Variants in ACKR2 observed in about 807,000 individuals in gnomAD.
The protein encoded by ACKR2 is C-C chemokine receptor D6.
For missense variants in ACKR2, 457 were observed against 477.3 expected, an observed-to-expected ratio of 0.96 and a Z score of 0.40; for synonymous variants, 207 against 192.2, an observed-to-expected ratio of 1.08 and a Z score of -0.64.
intron 2 of ACKR2, among the ~76,000 whole-genome samples, 168 bp downstream of exon 2, chr3:42,819,879 T>C (rs1490754410): frequency 6.6e-6 from 1 of 152,226 alleles, no homozygotes; most frequent in African/African-American, 2.4e-5. Flanking sequence ...CCTTGAATAT[T>C]GACTGCCTCT....
rs553977813 is a variant in ACKR2 at position 42,857,988 on chromosome 3, G to T, written c.-37-6478G>T. Reference sequence around the variant, plus strand: ...GCCTCTCTAGATTCCTCCTCTCCGGGCAGGGCATCTCTGAAAGAAAGGCAG... The same window carrying T: ...GCCTCTCTAGATTCCTCCTCTCCGGTCAGGGCATCTCTGAAAGAAAGGCAG... On this transcript the variant is annotated intron_variant, in intron 2 of 2. Coordinates refer to ENST00000422265, the MANE Select transcript of ACKR2 (RefSeq NM_001296.5). 5.9e-5 allele frequency among the ~76,000 whole-genome samples: 9 copies of T among 152,368 alleles called. No homozygotes were observed. The East Asian group carries it at 1.7e-3, about 29-fold the overall frequency.
chr3:42,812,680 C>CTTTTTTTTTTT lies in ACKR2; in HGVS notation c.-119+3162_-119+3172dup, dbSNP rs71616070. 4.0e-3 allele frequency among the ~76,000 whole-genome samples: 290 copies of CTTTTTTTTTTT among 72,740 alleles called. 15 individuals are homozygous for CTTTTTTTTTTT. Among genetic ancestry groups the CTTTTTTTTTTT allele is most frequent in the East Asian group, 5.4e-3 (11 of 2,034 alleles). 47.7% of individuals were successfully genotyped at this position (72,740 alleles called of 152,430 possible). The stretch of plus-strand genomic sequence containing the variant: ...TAAAAGTGGTTGGGCAATTTTCAGC[C>CTTTTTTTTTTT]TTTTTTTTTTTTTTTTTTTTTTTTG... On this transcript the variant is annotated intron_variant, in intron 1 of 2. Coordinates refer to ENST00000422265, the MANE Select transcript of ACKR2 (RefSeq NM_001296.5).
chr3:42,864,912 G>T lies in ACKR2; in HGVS notation c.410G>T (p.Cys137Phe), dbSNP rs1180805506. 2 of 1,613,994 alleles carry T rather than the reference G, an allele frequency of 1.2e-6. No individual in the cohort carries two copies. Among genetic ancestry groups the T allele is most frequent in the African/African-American group, 1.3e-5 (1 of 74,884 alleles). Residue 137 changes from cysteine to phenylalanine, a missense_variant, in exon 3 of 3, where the codon TGC (cysteine) becomes TTC (phenylalanine). Physicochemically the swap from Cys to Phe is radical, Grantham distance 205. Coordinates refer to ENST00000422265, the MANE Select transcript of ACKR2 (RefSeq NM_001296.5). The stretch of plus-strand genomic sequence containing the variant: ...TACAGTGGCATCTTTTTCATTAGCT[G>T]CATGAGCCTGGACAAGTACCTGGAG... ...NFYSGIFFIS[C>F]MSLDKYLEIV...
In ACKR2 at chr3:42,834,099, C is replaced by T. The variant is rs139001455; in HGVS notation, c.-38+14388C>T. On this transcript the variant is annotated intron_variant, in intron 2 of 2. Transcript: ENST00000422265. Reference sequence around the variant, plus strand: ...TCAGCCTCCCGAGTAGCTGGGATTACAGGCATGCGCCTCCACGCCCGGCTA... The same window carrying T: ...TCAGCCTCCCGAGTAGCTGGGATTATAGGCATGCGCCTCCACGCCCGGCTA... Among the ~76,000 whole-genome samples, 710 of 152,294 alleles carry T rather than the reference C, an allele frequency of 4.7e-3. 4 individuals carry two copies. The highest frequency in any genetic ancestry group is 0.016 in the African/African-American group (650 of 41,560).
At position 42,838,546 on chromosome 3, in the gene ACKR2, C is replaced by T. The variant is rs538655347; in HGVS notation, c.-38+18835C>T. On this transcript the variant is annotated intron_variant, in intron 2 of 2. Transcript: ENST00000422265. The stretch of plus-strand genomic sequence containing the variant: ...GCTAAAAGTAAAAAGACTGACCATA[C>T]CAAGAACTTAGGAGAATGTGAAACA... Among the ~76,000 whole-genome samples, 123 of 150,198 alleles carry T rather than the reference C, an allele frequency of 8.2e-4. 2 individuals carry two copies. Among genetic ancestry groups the T allele is most frequent in the African/African-American group, 2.9e-3 (120 of 40,834 alleles).
chr3:42,843,594 C>G (rs892772244), intron 2 of ACKR2, among the ~76,000 whole-genome samples: 2 of 152,170 alleles, frequency 1.3e-5, no homozygotes, highest in African/African-American at 4.8e-5. Flanking sequence ...CCCCTGCTGT[C>G]TAGCAGGGTG....
At chr3:42,819,245 T>A (rs981049970) in intron 1 of ACKR2, among the ~76,000 whole-genome samples, 28 of 152,218 alleles carry the variant, frequency 1.8e-4, no homozygotes, top group Admixed American at 1.5e-3. Flanking sequence ...TCCTGATTTT[T>A]AAAGTTAGAA....
At chr3:42,839,230 C>T (rs1701013384) in intron 2 of ACKR2, 1 of 151,966 alleles carries the variant, frequency 6.6e-6, no homozygotes. Flanking sequence ...GCCACGTGCC[C>T]CTTCTTTTGC....
intron 2 of ACKR2, among the ~76,000 whole-genome samples, chr3:42,828,186 T>G (rs558312631): frequency 3.8e-4 from 58 of 151,364 alleles, no homozygotes; most frequent in Admixed American, 7.9e-4. Flanking sequence ...CTCTGCTCAC[T>G]GCAATCTCTG....
At chr3:42,860,184 A>AAAAAAAAAAC (rs2088369128) in intron 2 of ACKR2, among the ~76,000 whole-genome samples, 1 of 144,828 alleles carries the variant, frequency 6.9e-6, no homozygotes, top group Non-Finnish European at 1.5e-5. Context: ...AAAAAAAAAA[A>AAAAAAAAAAC]AAAAAGCAGG....
chr3:42,839,954 G>A (rs1273983023), intron 2 of ACKR2, among the ~76,000 whole-genome samples: 1 of 152,112 alleles, frequency 6.6e-6, no homozygotes, highest in East Asian at 1.9e-4. Flanking sequence ...TGCAGATCCT[G>A]GGCTCAGAAA....
chr3:42,863,633 G>C (rs567607755), intron 2 of ACKR2, among the ~76,000 whole-genome samples: 1 of 152,320 alleles, frequency 6.6e-6, no homozygotes, highest in Admixed American at 6.5e-5. Context: ...ATGATAGACT[G>C]GATAAAGAAA....
chr3:42,840,533 A>G (rs1388179348), intron 2 of ACKR2, among the ~76,000 whole-genome samples: 1 of 152,216 alleles, frequency 6.6e-6, no homozygotes, highest in Non-Finnish European at 1.5e-5. Flanking sequence ...CTCATAAGGT[A>G]GGTAGTAATG....
intron 2 of ACKR2, among the ~76,000 whole-genome samples, chr3:42,837,659 T>C (rs1468927882): frequency 6.6e-6 from 1 of 152,164 alleles, no homozygotes; most frequent in African/African-American, 2.4e-5. Flanking sequence ...ATTAGTCCAC[T>C]CATACTCTCA....
At chr3:42,816,265 A>G (rs17317763) in intron 1 of ACKR2, among the ~76,000 whole-genome samples, 24,030 of 151,696 alleles carry the variant, frequency 0.16, 2,192 homozygotes, top group South Asian at 0.26. Context: ...GGGTTTCCAT[A>G]AAAATCATAA....
At chr3:42,814,638 G>A (rs1275632351) in intron 1 of ACKR2, among the ~76,000 whole-genome samples, 1 of 152,170 alleles carries the variant, frequency 6.6e-6, no homozygotes, top group Non-Finnish European at 1.5e-5. Flanking sequence ...AATTACCGGT[G>A]TTTTTATACC....
At chr3:42,834,954 C>T (rs1046979746) in intron 2 of ACKR2, among the ~76,000 whole-genome samples, 12 of 152,034 alleles carry the variant, frequency 7.9e-5, no homozygotes, top group East Asian at 3.8e-4. Context: ...GGCCCGATCT[C>T]GGCTCACTGC....
At chr3:42,823,143 G>A (rs1007802550) in intron 2 of ACKR2, among the ~76,000 whole-genome samples, 2 of 152,158 alleles carry the variant, frequency 1.3e-5, no homozygotes, top group Non-Finnish European at 2.9e-5. Flanking sequence ...CTGAAGTGGC[G>A]GGACAGTCTT....
intron 1 of ACKR2, among the ~76,000 whole-genome samples, chr3:42,815,994 C>T (rs908579782): frequency 1.3e-5 from 2 of 152,108 alleles, no homozygotes; most frequent in Admixed American, 6.5e-5. Context: ...TCATCTTGTA[C>T]CTCTGTTTCT....
Sources: allele counts gnomAD v4.1 joint callset (sites outside exome capture counted in the v4.1 genomes callset), GRCh38; gene constraint gnomAD v4.1.1; transcripts MANE v1.5; gene names NCBI Gene and HGNC (gene_info 2026-07-23, HGNC 2026-07-21).